The following ABTB2 variants were observed in gnomAD, a reference collection of about 807,000 sequenced individuals.
The protein encoded by ABTB2 is ankyrin repeat and BTB/POZ domain-containing protein 2.
Under a neutral mutation model 104.1 loss-of-function variants are expected in ABTB2, and 56 were observed. The ratio of observed to expected loss-of-function variants is 0.54; its 90% CI spans 0.43 to 0.67. The LOEUF is 0.67. Ranked by LOEUF, ABTB2 falls within the 30% of genes least tolerant of loss-of-function variation. ABTB2 has a pLI of 0.00. For missense variants in ABTB2, 1,279 were observed against 1,407.7 expected (o/e 0.91, Z 1.46); for synonymous variants, 606 against 608.2 (o/e 1.00, Z 0.05).
intron 1 of ABTB2, among the ~76,000 whole-genome samples, chr11:34,247,233 T>A (rs549222703): frequency 1.3e-5 from 2 of 152,280 alleles, no homozygotes; most frequent in Admixed American, 6.5e-5. Flanking sequence ...CCGCTACAGG[T>A]TCCTCAGCTT....
intron 1 of ABTB2, among the ~76,000 whole-genome samples, chr11:34,270,728 G>A (rs2755164): frequency 0.25 from 37,888 of 152,096 alleles, 7,267 homozygotes; most frequent in African/African-American, 0.53. Context: ...AGTTTGGGGG[G>A]TGGGAACAGC....
chr11:34,236,494 C>T (rs1421265200), intron 1 of ABTB2, among the ~76,000 whole-genome samples: 9 of 152,214 alleles, frequency 5.9e-5, no homozygotes, highest in Middle Eastern at 3.4e-3. Flanking sequence ...GACTCTGTGC[C>T]GCCAGTTTTC....
intron 1 of ABTB2, among the ~76,000 whole-genome samples, chr11:34,287,227 T>C (rs714969): frequency 0.7 from 104,598 of 150,382 alleles, 36,475 homozygotes; most frequent in South Asian, 0.85. Context: ...ACACACACCC[T>C]TAAAAGTCAA....
intron 1 of ABTB2, among the ~76,000 whole-genome samples, chr11:34,271,779 ATAC>A (rs1315325918): frequency 6.2e-5 from 9 of 144,460 alleles, no homozygotes; most frequent in South Asian, 4.4e-4. Flanking sequence ...ACATACATAC[ATAC>A]AACTTGCCTT....
At chr11:34,186,799 C>A (rs1853106407) in intron 3 of ABTB2, among the ~76,000 whole-genome samples, 3 of 152,330 alleles carry the variant, frequency 2.0e-5, no homozygotes, top group South Asian at 2.1e-4. Flanking sequence ...ACGCCCACCC[C>A]CAGGCTGGCC....
At chr11:34,322,043 C>A (rs1855011543) in intron 1 of ABTB2, among the ~76,000 whole-genome samples, 1 of 152,184 alleles carries the variant, frequency 6.6e-6, no homozygotes, top group Non-Finnish European at 1.5e-5. Context: ...TTCTGAATAT[C>A]CCTCTGGGAA....
chr11:34,353,677 T>C (rs576026837), intron 1 of ABTB2, among the ~76,000 whole-genome samples: 2 of 152,334 alleles, frequency 1.3e-5, no homozygotes, highest in Admixed American at 1.3e-4. Context: ...TTCTGAGTAA[T>C]GGACAGGAAT....
At chr11:34,243,427 A>G (rs957623170) in intron 1 of ABTB2, among the ~76,000 whole-genome samples, 1 of 152,070 alleles carries the variant, frequency 6.6e-6, no homozygotes, top group Non-Finnish European at 1.5e-5. Context: ...GTGAGCCACC[A>G]CGCCCAGCCT....
At chr11:34,305,329 C>T (rs570519389) in intron 1 of ABTB2, among the ~76,000 whole-genome samples, 1 of 152,322 alleles carries the variant, frequency 6.6e-6, no homozygotes, top group African/African-American at 2.4e-5. Flanking sequence ...GGCTTGCTCC[C>T]GCATGCACAC....
rs776143668 is a variant in ABTB2 at position 34,152,422 on chromosome 11, G to A, written c.3043C>T (p.Arg1015Cys). ...LQDLQNTLAE[R>C]VHSVYITSRV Reference sequence around the variant, plus strand: ...GAGGTGATGTAGACAGAGTGCACGCGCTCTGCCAGGGTGTTCTGCAGGTCC... The same window carrying A: ...GAGGTGATGTAGACAGAGTGCACGCACTCTGCCAGGGTGTTCTGCAGGTCC... The change falls in exon 17 of 17, where the codon CGC becomes TGC. Residue 1015 changes from arginine (R) to cysteine (C), a missense_variant. Transcript: ENST00000435224. 15 of 1,588,186 alleles carry A rather than the reference G, an allele frequency of 9.4e-6. No homozygotes were observed. The highest frequency in any genetic ancestry group is 2.3e-5 in the East Asian group (1 of 44,090).
At chr11:34,282,925 T>G (rs976754420) in intron 1 of ABTB2, among the ~76,000 whole-genome samples, 4 of 151,774 alleles carry the variant, frequency 2.6e-5, no homozygotes, top group African/African-American at 9.7e-5. Flanking sequence ...CTTTTTTTTT[T>G]TGAGATGGAG....
At position 34,297,796 on chromosome 11, in the gene ABTB2, G is replaced by GAAACCAAAT. The variant is rs1554923796; in HGVS notation, c.883+58904_883+58905insATTTGGTTT. Among the ~76,000 whole-genome samples the GAAACCAAAT allele has an allele frequency of 1.4e-4, 17 of 123,064 alleles. 1 individual carries two copies. Among genetic ancestry groups the GAAACCAAAT allele is most frequent in the Non-Finnish European group, 1.8e-4 (11 of 59,494 alleles). The allele number at this position is 123,064 out of a possible 152,430, so 80.7% of individuals were successfully genotyped here. ...AAAAAAAAAAAAAATAAAAATAAAGGAAAGAAAAAGAAAAAAACAAAATTC... is the reference window on the plus strand; with the variant it reads ...AAAAAAAAAAAAAATAAAAATAAAGGAAACCAAATAAAGAAAAAGAAAAAAACAAAATTC... On this transcript the variant is annotated intron_variant, in intron 1 of 16. Transcript: ENST00000435224.
intron 1 of ABTB2, among the ~76,000 whole-genome samples, chr11:34,272,791 G>A (rs947732434): frequency 7.4e-5 from 11 of 148,030 alleles, no homozygotes; most frequent in African/African-American, 2.0e-4. Context: ...TCATTTTATC[G>A]TATATATGGT....
chr11:34,173,894 C>G (rs912438843), intron 3 of ABTB2, among the ~76,000 whole-genome samples: 1 of 152,190 alleles, frequency 6.6e-6, no homozygotes, highest in African/African-American at 2.4e-5. Flanking sequence ...CTTATGGAGG[C>G]TGTCATGAGG....
At chr11:34,348,510 G>A (rs192218070) in intron 1 of ABTB2, among the ~76,000 whole-genome samples, 3 of 152,104 alleles carry the variant, frequency 2.0e-5, no homozygotes, top group Admixed American at 6.5e-5. Context: ...CCTCTGCCTG[G>A]AAGCCTCTGG....
chr11:34,211,867 C>T (rs1271331761), intron 1 of ABTB2, among the ~76,000 whole-genome samples: 6 of 131,198 alleles, frequency 4.6e-5, no homozygotes, highest in Admixed American at 1.7e-4. Flanking sequence ...CCAGCCTGGG[C>T]GACACAGCCT....
At chr11:34,355,352 T>C (rs1855453164) in intron 1 of ABTB2, among the ~76,000 whole-genome samples, 1 of 152,234 alleles carries the variant, frequency 6.6e-6, no homozygotes. Context: ...GGGGCCTACC[T>C]GGATTCAAAC....
intron 1 of ABTB2, among the ~76,000 whole-genome samples, chr11:34,256,901 G>A (rs1854130321): frequency 1.3e-5 from 2 of 152,202 alleles, no homozygotes; most frequent in Admixed American, 6.5e-5. Context: ...CAGCTGCAAG[G>A]ATGAGACAGA....
intron 1 of ABTB2, among the ~76,000 whole-genome samples, chr11:34,242,942 C>T (rs1047003433): frequency 2.0e-5 from 3 of 152,120 alleles, no homozygotes; most frequent in African/African-American, 4.8e-5. Context: ...CACCTCAGGC[C>T]GGGCCTGAGG....
Sources: allele counts gnomAD v4.1 joint callset (sites outside exome capture counted in the v4.1 genomes callset), GRCh38; gene constraint gnomAD v4.1.1; transcripts MANE v1.5; gene names NCBI Gene and HGNC (gene_info 2026-07-23, HGNC 2026-07-21).